Variants in NBPF8 observed in about 807,000 individuals in gnomAD.
NBPF8 encodes the protein NBPF family member NBPF8.
At chr1:120,431,419 C>CATAT (rs1470242597), upstream of NBPF8, among the ~76,000 whole-genome samples, 33 of 119,514 alleles carry the variant, frequency 2.8e-4, no homozygotes, top group South Asian at 1.6e-3. Context: ...CACACACACA[C>CATAT]ATATATATAT....
At chr1:120,449,630 C>T (rs587626954) in intron 11 of NBPF8, among the ~76,000 whole-genome samples, 1 of 152,234 alleles carries the variant, frequency 6.6e-6, no homozygotes, top group East Asian at 1.9e-4. Context: ...GTTAAACTGC[C>T]ATTTATTGAT....
intron 1 of NBPF8, among the ~76,000 whole-genome samples, chr1:120,423,199 G>A (rs1214306454): frequency 2.3e-5 from 3 of 133,110 alleles, no homozygotes; most frequent in Non-Finnish European, 4.6e-5. Flanking sequence ...AGCCATCATT[G>A]AACCCAGGAT....
upstream of NBPF8, among the ~76,000 whole-genome samples, chr1:120,419,133 G>T (rs1660503801): frequency 6.6e-6 from 1 of 152,186 alleles, no homozygotes; most frequent in Admixed American, 6.5e-5. Context: ...ATCTCCAAGT[G>T]TCACAGTTTT....
chr1:120,452,728 TTC>T (rs1661317776), intron 13 of NBPF8, among the ~76,000 whole-genome samples: 2 of 152,242 alleles, frequency 1.3e-5, no homozygotes, highest in Non-Finnish European at 2.9e-5. Flanking sequence ...CTTCCTGAGT[TTC>T]TCTCTCTCCG....
At chr1:120,452,559 G>A (rs1370780848) in intron 13 of NBPF8, among the ~76,000 whole-genome samples, 2 of 152,106 alleles carry the variant, frequency 1.3e-5, no homozygotes, top group Admixed American at 6.5e-5. Flanking sequence ...GTGGTCTCTG[G>A]AGCAAGAGGC....
downstream of NBPF8, among the ~76,000 whole-genome samples, chr1:120,469,513 T>C (rs1661857895): frequency 6.6e-6 from 1 of 150,472 alleles, no homozygotes; most frequent in South Asian, 2.1e-4. Flanking sequence ...CTATCACACA[T>C]GCCCTTTGTC....
At chr1:120,455,926 A>G (rs1457799296) in intron 16 of NBPF8, among the ~76,000 whole-genome samples, 1 of 152,066 alleles carries the variant, frequency 6.6e-6, no homozygotes, top group East Asian at 1.9e-4. Context: ...TTTTCCCTCT[A>G]CACATTGCTT....
At chr1:120,415,690 A>G (rs1660416342), upstream of NBPF8, among the ~76,000 whole-genome samples, 1 of 152,082 alleles carries the variant, frequency 6.6e-6, no homozygotes, top group Admixed American at 6.5e-5. Context: ...TGGGGTCTTT[A>G]TTGGCCTCCG....
At chr1:120,423,068 G>A in intron 1 of NBPF8, among the ~76,000 whole-genome samples, 1 of 123,610 alleles carries the variant, frequency 8.1e-6, no homozygotes, top group Admixed American at 7.9e-5. Flanking sequence ...CTCCCAGTCT[G>A]TGACTTGCTT....
At chr1:120,419,477 G>T (rs1344452367), upstream of NBPF8, among the ~76,000 whole-genome samples, 1 of 151,854 alleles carries the variant, frequency 6.6e-6, no homozygotes, top group African/African-American at 2.4e-5. Flanking sequence ...CAAGTATTTA[G>T]TCAGGACTCT....
chr1:120,436,652 C>G (rs1553273241), exon 1 of NBPF8: 1 of 1,606,800 alleles, frequency 6.2e-7, no homozygotes, highest in Non-Finnish European at 8.5e-7. Context: ...GAGATGTTTT[C>G]TAACTCAACT....
At chr1:120,425,452 A>G (rs1370926936) in intron 1 of NBPF8, among the ~76,000 whole-genome samples, 2 of 152,096 alleles carry the variant, frequency 1.3e-5, no homozygotes, top group Non-Finnish European at 2.9e-5. Context: ...ATGCAGAGAC[A>G]TTTGTTAACG....
At chr1:120,419,635 T>C (rs2101428281), upstream of NBPF8, among the ~76,000 whole-genome samples, 1 of 150,816 alleles carries the variant, frequency 6.6e-6, no homozygotes, top group East Asian at 2.0e-4. Flanking sequence ...ATTTTTCATT[T>C]TTTATTTTCA....
chr1:120,420,509 C>T (rs1306198831), intron 1 of NBPF8, among the ~76,000 whole-genome samples: 1 of 150,910 alleles, frequency 6.6e-6, no homozygotes, highest in Non-Finnish European at 1.5e-5. Flanking sequence ...ATGGCTCACC[C>T]CCTCCCTGTC....
chr1:120,424,701 G>T (rs1286292920), intron 1 of NBPF8, among the ~76,000 whole-genome samples: 1 of 139,230 alleles, frequency 7.2e-6, no homozygotes, highest in Non-Finnish European at 1.6e-5. Context: ...ACCTGCCTTG[G>T]CCTCTCAAAG....
At chr1:120,423,147 T>G (rs1660618553) in intron 1 of NBPF8, among the ~76,000 whole-genome samples, 1 of 137,476 alleles carries the variant, frequency 7.3e-6, no homozygotes, top group Non-Finnish European at 1.5e-5. Flanking sequence ...CAACTTAATT[T>G]TTTTTCATTA....
chr1:120,461,060 G>GTGTGTGTGTT (rs1661575344), intron 18 of NBPF8, among the ~76,000 whole-genome samples, 194 bp from the exon 17 acceptor site: 1 of 128,114 alleles, frequency 7.8e-6, no homozygotes, highest in Non-Finnish European at 1.6e-5. Flanking sequence ...GTGTGTGTGT[G>GTGTGTGTGTT]TGTGTCTTTC....
intron 11 of NBPF8, 31 bp downstream of exon 9, chr1:120,449,433 T>G (rs782761514): frequency 3.0e-5 from 45 of 1,479,184 alleles, no homozygotes; most frequent in Non-Finnish European, 4.2e-5. Context: ...ATCATGAAAG[T>G]GATGAATGAT....
At chr1:120,432,371 C>T (rs1489423460), upstream of NBPF8, 4 of 69,994 alleles carry the variant, frequency 5.7e-5, 1 homozygote, top group African/African-American at 1.6e-4. Context: ...AGGGCACTGG[C>T]TTCTTTTTTT....
Sources: allele counts gnomAD v4.1 joint callset (sites outside exome capture counted in the v4.1 genomes callset), GRCh38; gene constraint gnomAD v4.1.1; transcripts MANE v1.5; gene names NCBI Gene and HGNC (gene_info 2026-07-23, HGNC 2026-07-21).